Variants in AKAP9 observed in about 807,000 individuals in gnomAD.
AKAP9 encodes the protein A-kinase anchor protein 9.
In AKAP9, 311 loss-of-function variants were observed where a neutral mutation model predicts 488.5. The observed-to-expected ratio is 0.64, with a 90% confidence interval of 0.58 to 0.70. The LOEUF (loss-of-function observed/expected upper bound fraction) is 0.70. AKAP9 is among the 30% of genes least tolerant of loss of function. AKAP9 has a pLI of 0.00. For synonymous variants in AKAP9, 1,462 were observed against 1,483.5 expected (o/e 0.99, Z 0.33); for missense variants, 4,215 against 4,374.5 (o/e 0.96, Z 1.03).
chr7:92,027,212 C>A (rs1243923404), intron 14 of AKAP9, among the ~76,000 whole-genome samples: 4 of 141,030 alleles, frequency 2.8e-5, no homozygotes, highest in Non-Finnish European at 4.6e-5. Flanking sequence ...CCGGCTGCCG[C>A]GTCTGGGAGG....
In AKAP9 at chr7:92,017,053, T is replaced by C; in HGVS notation, c.3788T>C (p.Val1263Ala). The C allele has an allele frequency of 6.3e-7, 1 of 1,591,760 alleles. No individual in the cohort carries two copies. Among genetic ancestry groups the C allele is most frequent in the Non-Finnish European group, 8.6e-7 (1 of 1,164,298 alleles). ...QENMHTLLNK[V>A]TEEYNKLLVL... is the part of the protein sequence containing the mutation. ...AATATGCACACTCTTCTCAACAAAG[T>C]AACAGAAGAATACAACAAACTCTTG... Residue 1263 changes from valine to alanine, a missense_variant, in exon 12 of 50, where the codon GTA becomes GCA. By Grantham distance (64) the Val-to-Ala change is moderately conservative. Transcript: ENST00000356239.
Position 92,089,532 on chromosome 7 carries a change from ATG to A in AKAP9, c.9358+5_9358+6del. ...AGAGAGTGAGAAACCAAGCCAAGGT[ATG>A]TTGTATGACAAGCTCATATGGTTAC... is the stretch of plus-strand genomic sequence containing the variant. On this transcript the variant is annotated splice_donor_5th_base_variant and intron_variant, in intron 38 of 49. Transcript: ENST00000356239. 3.1e-6 allele frequency: 5 copies of A among 1,613,072 alleles called. No individual in the cohort carries two copies. The highest frequency in any genetic ancestry group is 4.2e-6 in the Non-Finnish European group (5 of 1,179,392).
At position 92,102,747 on chromosome 7, in the gene AKAP9, G is replaced by C. The variant is rs1817783871; in HGVS notation, c.11251G>C (p.Asp3751His). ...GATGGGGGGGCAGCCAGCTTTCACG[G>C]ATCTAGAGGTGATCACCAATCGCCC... ...ARMGGQPAFT[D>H]LEVITNRPKG... Residue 3751 changes from aspartate (D) to histidine (H), a missense_variant, in exon 46 of 50, where the codon GAT becomes CAT. Coordinates refer to ENST00000356239, the MANE Select transcript of AKAP9 (RefSeq NM_005751.5). 1 of 1,614,082 alleles carries C rather than the reference G, an allele frequency of 6.2e-7. No homozygotes were observed. Among genetic ancestry groups the C allele is most frequent in the Non-Finnish European group, 8.5e-7 (1 of 1,180,046 alleles).
chr7:92,033,553 C>T (rs1172685575), intron 16 of AKAP9, among the ~76,000 whole-genome samples: 2 of 151,272 alleles, frequency 1.3e-5, no homozygotes, highest in African/African-American at 4.9e-5. Flanking sequence ...TCAAGCCATC[C>T]TCCCACCTGA....
In AKAP9 at chr7:92,031,617, C is replaced by T; in HGVS notation, c.4338+13C>T. 3 of 1,561,038 alleles carry T rather than the reference C, an allele frequency of 1.9e-6. No homozygotes were observed. The highest frequency in any genetic ancestry group is 2.6e-6 in the Non-Finnish European group (3 of 1,132,542). On this transcript the variant is annotated intron_variant, in intron 16 of 49. Coordinates refer to ENST00000356239, the MANE Select transcript of AKAP9 (RefSeq NM_005751.5). ...AGAAGTAGCTAAGGTAGGCTTATAG[C>T]TTATCTGGAAGATTATCTTGGTTTA...
chr7:91,971,982 CTT>C (rs71107846), intron 1 of AKAP9, among the ~76,000 whole-genome samples: 22 of 91,876 alleles, frequency 2.4e-4, no homozygotes, highest in African/African-American at 5.4e-4. Context: ...TTTTGCCTCT[CTT>C]TTTTTTTTTT....
At chr7:92,037,747 T>C (rs576360774) in intron 16 of AKAP9, among the ~76,000 whole-genome samples, 2 of 152,324 alleles carry the variant, frequency 1.3e-5, no homozygotes, top group South Asian at 4.1e-4. Flanking sequence ...TTCTGGGAAT[T>C]TGTTTTGAGG....
At chr7:92,069,091 C>A (rs1430857078) in intron 26 of AKAP9, among the ~76,000 whole-genome samples, 2 of 152,174 alleles carry the variant, frequency 1.3e-5, no homozygotes, top group Non-Finnish European at 2.9e-5. Context: ...TTTAGGGAAA[C>A]CTTCAAGGTG....
chr7:92,024,850 T>A (rs1802874670), intron 14 of AKAP9, among the ~76,000 whole-genome samples: 1 of 152,198 alleles, frequency 6.6e-6, no homozygotes, highest in Non-Finnish European at 1.5e-5. Context: ...GAACTAGTCG[T>A]TACTCTTTTT....
rs1790696606 is a variant in AKAP9, at chr7:91,941,160, G to A, written c.48+13G>A. 6.2e-7 allele frequency: 1 copy of A among 1,613,502 alleles called. No individual in the cohort carries two copies. The highest frequency in any genetic ancestry group is 8.5e-7 in the Non-Finnish European group (1 of 1,179,458). On this transcript the variant is annotated intron_variant, in intron 1 of 49. Coordinates refer to ENST00000356239, the MANE Select transcript of AKAP9 (RefSeq NM_005751.5). Reference sequence around the variant, plus strand: ...CGGCAAAGCCAAGGTAGGAGAGCCCGAGGCAACCGGGCCTGCGGTGGGAGG... The same window carrying A: ...CGGCAAAGCCAAGGTAGGAGAGCCCAAGGCAACCGGGCCTGCGGTGGGAGG...
At position 91,994,606 on chromosome 7, in the gene AKAP9, A is replaced by G. The variant is rs1393535380; in HGVS notation, c.577-15A>G. 1.2e-6 allele frequency: 2 copies of G among 1,605,160 alleles called. No individual in the cohort carries two copies. The highest frequency in any genetic ancestry group is 1.1e-5 in the South Asian group (1 of 89,470). On this transcript the variant is annotated splice_polypyrimidine_tract_variant and intron_variant, in intron 5 of 49. Coordinates refer to ENST00000356239, the MANE Select transcript of AKAP9 (RefSeq NM_005751.5). Reference sequence around the variant, plus strand: ...ATTAAAAAAAATAAATCTAGCACTTACTATTTTCTTTCAGTTACAAGAATT... The same window carrying G: ...ATTAAAAAAAATAAATCTAGCACTTGCTATTTTCTTTCAGTTACAAGAATT...
intron 17 of AKAP9, among the ~76,000 whole-genome samples, chr7:92,039,350 G>A (rs1218411353): frequency 2.6e-5 from 4 of 152,100 alleles, no homozygotes; most frequent in South Asian, 2.1e-4. Context: ...TAAGTTGTAC[G>A]TACATTAATT....
rs1291102952 is a variant in AKAP9 at position 91,994,628 on chromosome 7, A to T, written c.584A>T (p.Glu195Val). ...YGTEGLQQLQEFEAAIKQRDG... is the reference protein window; with the variant it reads ...YGTEGLQQLQVFEAAIKQRDG... The stretch of plus-strand genomic sequence containing the variant: ...CTTACTATTTTCTTTCAGTTACAAG[A>T]ATTTGAAGCTGCCATTAAACAAAGA... Residue 195 changes from glutamate to valine, a missense_variant, in exon 6 of 50, where the codon GAA (glutamate) becomes GTA (valine). Coordinates refer to ENST00000356239, the MANE Select transcript of AKAP9 (RefSeq NM_005751.5). 2 of 1,612,222 alleles carry T rather than the reference A, an allele frequency of 1.2e-6. No homozygotes were observed. The highest frequency in any genetic ancestry group is 2.2e-5 in the South Asian group (2 of 90,522).
chr7:92,036,604 T>A (rs1183864498), intron 16 of AKAP9, among the ~76,000 whole-genome samples: 2 of 152,228 alleles, frequency 1.3e-5, no homozygotes, highest in African/African-American at 4.8e-5. Context: ...CCTGGAACTC[T>A]AATTAGATGT....
intron 3 of AKAP9, among the ~76,000 whole-genome samples, chr7:91,987,398 A>G (rs1458993601): frequency 1.1e-4 from 17 of 152,092 alleles, no homozygotes; most frequent in Non-Finnish European, 1.5e-4. Context: ...CAGCCTGGGC[A>G]ACAAGGGTGA....
intron 8 of AKAP9, among the ~76,000 whole-genome samples, chr7:92,008,019 G>A (rs150817365): frequency 2.0e-3 from 306 of 152,302 alleles, no homozygotes; most frequent in African/African-American, 6.8e-3. Flanking sequence ...AATAAGCAAA[G>A]TTAGAATAAC....
intron 31 of AKAP9, among the ~76,000 whole-genome samples, chr7:92,081,257 T>C (rs976724496): frequency 2.0e-5 from 3 of 151,702 alleles, no homozygotes; most frequent in African/African-American, 7.3e-5. Flanking sequence ...AAATCTATTA[T>C]TTAATAGCAT....
intron 2 of AKAP9, among the ~76,000 whole-genome samples, chr7:91,978,531 T>C (rs1795989228): frequency 6.6e-6 from 1 of 152,162 alleles, no homozygotes. Flanking sequence ...CTTGACTCTT[T>C]CTACTACTTC....
intron 8 of AKAP9, among the ~76,000 whole-genome samples, chr7:92,009,280 CA>C (rs748701196): frequency 6.6e-6 from 1 of 152,026 alleles, no homozygotes; most frequent in Non-Finnish European, 1.5e-5. Context: ...GAATGAAAAT[CA>C]AAACCTACGT....
Sources: gnomAD v4.1 joint callset for allele counts (sites outside exome capture counted in the v4.1 genomes callset) on GRCh38, gnomAD v4.1.1 for gene constraint, MANE v1.5 for transcripts, NCBI Gene and HGNC (gene_info 2026-07-23, HGNC 2026-07-21) for gene names.